The following UBASH3A variants were observed in gnomAD, a reference collection of about 807,000 sequenced individuals.
The protein encoded by UBASH3A is ubiquitin associated and SH3 domain containing A, also known as ubiquitin-associated and SH3 domain-containing protein A.
In UBASH3A, 63 loss-of-function variants were observed where a neutral mutation model predicts 73.5. The observed-to-expected ratio is 0.86, with a 90% CI of 0.70 to 1.06. UBASH3A has a LOEUF of 1.06. UBASH3A is among the 50% of genes least tolerant of loss of function. The probability of loss-of-function intolerance (pLI) is 0.00; values close to 1 mark genes in which losing one functional copy is unlikely to be tolerated. For synonymous variants in UBASH3A, 363 were observed against 351.1 expected (o/e 1.03, Z -0.38); for missense variants, 860 against 859.0 (o/e 1.00, Z -0.02).
At chr21:42,419,030 A>C (rs948667366) in intron 7 of UBASH3A, among the ~76,000 whole-genome samples, 3 of 152,170 alleles carry the variant, frequency 2.0e-5, no homozygotes, top group African/African-American at 7.2e-5. Context: ...TTATTATCTT[A>C]TGGTATTTAT....
intron 7 of UBASH3A, among the ~76,000 whole-genome samples, chr21:42,420,767 GT>G (rs1475844795): frequency 1.6e-5 from 2 of 128,340 alleles, no homozygotes; most frequent in Non-Finnish European, 1.7e-5. Context: ...GAAAGCCTAA[GT>G]TTTTAAAAAA....
intron 6 of UBASH3A, chr21:42,417,483 A>C (rs1027814757): frequency 6.6e-6 from 1 of 151,042 alleles, no homozygotes; most frequent in Non-Finnish European, 1.5e-5. Flanking sequence ...CTATGAATAC[A>C]TGTTTTGCTT....
At chr21:42,412,362 G>A (rs1276976124) in intron 3 of UBASH3A, among the ~76,000 whole-genome samples, 1 of 152,198 alleles carries the variant, frequency 6.6e-6, no homozygotes, top group Admixed American at 6.5e-5. Flanking sequence ...CACTCAGGGG[G>A]CATCAGGGAG....
At chr21:42,414,099 T>C (rs953503213) in intron 5 of UBASH3A, among the ~76,000 whole-genome samples, 1 of 152,178 alleles carries the variant, frequency 6.6e-6, no homozygotes, top group African/African-American at 2.4e-5. Context: ...CCTGCCATAG[T>C]TCCCGGGACA....
rs142905557 is a variant in UBASH3A at position 42,416,493 on chromosome 21, A to G, written c.719A>G (p.Lys240Arg). ...CAGCTGCATCTGACCTTGGCCCACAAGTTCTACCCCCACCACCAGAGGACG... is the reference window on the plus strand; with the variant it reads ...CAGCTGCATCTGACCTTGGCCCACAGGTTCTACCCCCACCACCAGAGGACG... ...TKQLHLTLAH[K>R]FYPHHQRTLE... Residue 240 changes from lysine (K) to arginine (R), a missense_variant, in exon 6 of 15, where the codon AAG becomes AGG. Physicochemically the swap from Lys to Arg is conservative, Grantham distance 26. Coordinates refer to ENST00000319294, the MANE Select transcript of UBASH3A (RefSeq NM_018961.4). 10 of 1,604,452 alleles carry G rather than the reference A, an allele frequency of 6.2e-6. No homozygotes were observed. The highest frequency in any genetic ancestry group is 1.1e-5 in the South Asian group (1 of 89,462).
chr21:42,442,790 G>T (rs1166546015), intron 12 of UBASH3A, among the ~76,000 whole-genome samples, 194 bp downstream of exon 12: 1 of 152,170 alleles, frequency 6.6e-6, no homozygotes, highest in Non-Finnish European at 1.5e-5. Flanking sequence ...CACAGAGCAG[G>T]GTGGGGGTCA....
Position 42,418,605 on chromosome 21 carries a change from C to A in UBASH3A, c.1042C>A (p.His348Asn). 2 of 1,613,776 alleles carry A rather than the reference C, an allele frequency of 1.2e-6. No individual in the cohort carries two copies. Among genetic ancestry groups the A allele is most frequent in the South Asian group, 2.2e-5 (2 of 91,036 alleles). Residue 348 changes from histidine (H) to asparagine (N), a missense_variant, in exon 7 of 15, where the codon CAC (histidine) becomes AAC (asparagine). Coordinates refer to ENST00000319294, the MANE Select transcript of UBASH3A (RefSeq NM_018961.4). ...RASESDTWVK[H>N]RMYTFSLATD... ...CAGTGAGTCTGACACGTGGGTGAAGCACAGGTGAGTGCTGCCTCTGGCTGC... is the reference window on the plus strand; with the variant it reads ...CAGTGAGTCTGACACGTGGGTGAAGAACAGGTGAGTGCTGCCTCTGGCTGC...
At chr21:42,443,287 C>G (rs1264927596) in intron 12 of UBASH3A, 25 bp from the exon 13 acceptor site, 3 of 1,603,732 alleles carry the variant, frequency 1.9e-6, no homozygotes, top group Non-Finnish European at 2.6e-6. Context: ...GCCAGGGCAG[C>G]AGCCTCTCCT....
chr21:42,420,656 C>T (rs184904624), intron 7 of UBASH3A, among the ~76,000 whole-genome samples: 3 of 152,242 alleles, frequency 2.0e-5, no homozygotes, highest in African/African-American at 4.8e-5. Flanking sequence ...AACCCATGGG[C>T]AAGCTGAAGC....
intron 13 of UBASH3A, among the ~76,000 whole-genome samples, chr21:42,444,045 A>C (rs945327225): frequency 3.9e-5 from 6 of 152,248 alleles, no homozygotes; most frequent in African/African-American, 9.6e-5. Flanking sequence ...AAGCATGCAC[A>C]GAAGCGCTGA....
intron 14 of UBASH3A, among the ~76,000 whole-genome samples, chr21:42,446,395 G>T (rs884339): frequency 1.3e-5 from 2 of 151,950 alleles, no homozygotes; most frequent in African/African-American, 2.4e-5. Flanking sequence ...CACAGCCTCT[G>T]CAAGCGTGAG....
chr21:42,425,286 T>C (rs763544567), intron 7 of UBASH3A, among the ~76,000 whole-genome samples: 2 of 152,240 alleles, frequency 1.3e-5, no homozygotes, highest in Non-Finnish European at 2.9e-5. Context: ...ATAATCTTGA[T>C]TGTATTTCAT....
chr21:42,408,883 A>AAAAATAAAATAAAATAAAATAAAAT (rs537094372), intron 2 of UBASH3A, among the ~76,000 whole-genome samples: 95 of 115,444 alleles, frequency 8.2e-4, no homozygotes, highest in African/African-American at 2.2e-3. Flanking sequence ...ACTCCATCTC[A>AAAAATAAAATAAAATAAAATAAAAT]AAAATAAAAT....
intron 8 of UBASH3A, among the ~76,000 whole-genome samples, chr21:42,431,870 A>T (rs749346882): frequency 6.6e-6 from 1 of 152,218 alleles, no homozygotes; most frequent in Non-Finnish European, 1.5e-5. Flanking sequence ...GTCTCTTTTC[A>T]TTTTCTTGAT....
intron 3 of UBASH3A, among the ~76,000 whole-genome samples, chr21:42,411,358 C>T (rs2053090957): frequency 6.6e-6 from 1 of 152,108 alleles, no homozygotes; most frequent in South Asian, 2.1e-4. Context: ...CACAGACACA[C>T]ACAGAGACAC....
chr21:42,413,185 C>T lies in UBASH3A; in HGVS notation c.516C>T (p.Phe172=), dbSNP rs750396374. The T allele has an allele frequency of 4.1e-5, 66 of 1,614,114 alleles. No individual in the cohort carries two copies. The Admixed American group carries it at 7.2e-4, about 18-fold the overall frequency. The part of the protein sequence containing the change: ...SGSPADVIRE[F]AMTFATEASL... ...GCCCCGCAGACGTCATCCGGGAATT[C>T]GCCATGACCTTCGCCACGGAAGCAT... is the stretch of plus-strand genomic sequence containing the variant. The change falls in exon 4 of 15, where the codon TTC becomes TTT. Residue 172 remains phenylalanine, a synonymous_variant. Transcript: ENST00000319294. The surrounding 1 kb of genome is among the most constrained non-coding windows in gnomAD (Gnocchi z 4.5).
At chr21:42,426,870 C>T in intron 8 of UBASH3A, 50 bp downstream of exon 8, 1 of 1,597,804 alleles carries the variant, frequency 6.3e-7, no homozygotes, top group Non-Finnish European at 8.5e-7. Context: ...CAAAACTACA[C>T]TTTGTATTAA....
rs757258471 is a variant in UBASH3A, at chr21:42,413,019, C to T, written c.355-5C>T. ...GAAACACAGGCTCTGTCTCTGTCCC[C>T]TTAGTGTGAAGACCAGAAGGTGGAA... On this transcript the variant is annotated splice_polypyrimidine_tract_variant and splice_region_variant and intron_variant, in intron 3 of 14. Coordinates refer to ENST00000319294, the MANE Select transcript of UBASH3A (RefSeq NM_018961.4). The surrounding 1 kb of genome is among the most constrained non-coding windows in gnomAD (Gnocchi z 4.5). The T allele has an allele frequency of 4.3e-6, 7 of 1,613,378 alleles. No homozygotes were observed. In the African/African-American group the frequency reaches 9.3e-5, roughly 22 times the overall value.
chr21:42,446,297 C>T (rs886657588), intron 14 of UBASH3A, among the ~76,000 whole-genome samples: 2 of 152,238 alleles, frequency 1.3e-5, no homozygotes, highest in African/African-American at 4.8e-5. Context: ...AAAGGGGGGG[C>T]TCTACCAAAT....
Sources: allele counts gnomAD v4.1 joint callset (sites outside exome capture counted in the v4.1 genomes callset), GRCh38; gene constraint gnomAD v4.1.1; non-coding constraint Gnocchi (gnomAD v3.1); transcripts MANE v1.5; gene names NCBI Gene and HGNC (gene_info 2026-07-23, HGNC 2026-07-21).